CNTNAP2: variants seen among roughly 807,000 people sequenced by gnomAD.
The protein encoded by CNTNAP2 is contactin associated protein 2.
Under a neutral mutation model 155.2 loss-of-function variants are expected in CNTNAP2, and 98 were observed. The ratio of observed to expected loss-of-function variants is 0.63; its 90% CI spans 0.54 to 0.75. The LOEUF (loss-of-function observed/expected upper bound fraction) is 0.75. Ranked by LOEUF, CNTNAP2 falls within the 30% of genes least tolerant of loss-of-function variation. The probability of loss-of-function intolerance (pLI) is 0.00; values close to 1 mark genes in which losing one functional copy is unlikely to be tolerated. For missense variants in CNTNAP2, 1,727 were observed against 1,688.1 expected, an observed-to-expected ratio of 1.02 and a Z score of -0.40; for synonymous variants, 651 against 631.2, an observed-to-expected ratio of 1.03 and a Z score of -0.47.
chr7:147,836,674 C>T (rs76061523), intron 13 of CNTNAP2, among the ~76,000 whole-genome samples: 6,766 of 152,218 alleles, frequency 0.044, 271 homozygotes, highest in Admixed American at 0.12. Context: ...CACTCTCTGA[C>T]GGCAGGCACA....
chr7:147,041,377 T>A (rs973180403), intron 3 of CNTNAP2, among the ~76,000 whole-genome samples: 2 of 151,938 alleles, frequency 1.3e-5, no homozygotes, highest in African/African-American at 4.8e-5. Context: ...AGGAAAAGTA[T>A]TTTTTTTAAG....
At chr7:147,267,067 G>A (rs1005506147) in intron 8 of CNTNAP2, among the ~76,000 whole-genome samples, 5 of 152,100 alleles carry the variant, frequency 3.3e-5, no homozygotes, top group African/African-American at 1.2e-4. Flanking sequence ...ATGGCCTCTT[G>A]GCTTTCTTGC....
rs559924103 is a variant in CNTNAP2 at position 147,402,990 on chromosome 7, G to A, written c.1670+7210G>A. ...AAAAAAACTAGTTTAGGTCAGACAT[G>A]CCTCACAAACATCAACACAGAGACC... On this transcript the variant is annotated intron_variant, in intron 10 of 23. Coordinates refer to ENST00000361727, the MANE Select transcript of CNTNAP2 (RefSeq NM_014141.6). 2.4e-4 allele frequency among the ~76,000 whole-genome samples: 35 copies of A among 147,518 alleles called. No homozygotes were observed. In the South Asian group the frequency reaches 6.6e-3, roughly 28 times the overall value.
At chr7:146,672,186 G>A (rs6968964) in intron 1 of CNTNAP2, among the ~76,000 whole-genome samples, 123,078 of 152,128 alleles carry the variant, frequency 0.81, 50,389 homozygotes, top group South Asian at 0.91. Context: ...CTCTCATCCT[G>A]GTGAAACATA....
intron 18 of CNTNAP2, among the ~76,000 whole-genome samples, chr7:148,204,353 A>G (rs949119903): frequency 6.6e-6 from 1 of 152,244 alleles, no homozygotes; most frequent in African/African-American, 2.4e-5. Flanking sequence ...GAGGAAAACC[A>G]AAGTTATAAT....
chr7:147,551,636 G>A (rs184612859), intron 11 of CNTNAP2, among the ~76,000 whole-genome samples: 1 of 152,228 alleles, frequency 6.6e-6, no homozygotes, highest in African/African-American at 2.4e-5. Flanking sequence ...CACTGCCTGG[G>A]AAGTTCCTTA....
intron 1 of CNTNAP2, among the ~76,000 whole-genome samples, chr7:146,400,496 G>T (rs1348901689): frequency 1.3e-5 from 2 of 152,166 alleles, no homozygotes; most frequent in Non-Finnish European, 2.9e-5. Flanking sequence ...GAGAAGTAAG[G>T]CTGTCACATA....
chr7:146,882,545 G>A (rs1439818676), intron 3 of CNTNAP2, among the ~76,000 whole-genome samples: 1 of 152,052 alleles, frequency 6.6e-6, no homozygotes, highest in Non-Finnish European at 1.5e-5. Context: ...CTGCCACCAT[G>A]TGAAGGATGT....
At chr7:146,342,756 C>T (rs1276453692) in intron 1 of CNTNAP2, among the ~76,000 whole-genome samples, 4 of 152,160 alleles carry the variant, frequency 2.6e-5, no homozygotes, top group Non-Finnish European at 5.9e-5. Context: ...TCCCATTTAT[C>T]TGTCTGTCAA....
At chr7:147,077,597 T>C (rs1300344698) in intron 4 of CNTNAP2, among the ~76,000 whole-genome samples, 1 of 152,200 alleles carries the variant, frequency 6.6e-6, no homozygotes, top group Non-Finnish European at 1.5e-5. Context: ...ATAAATAATG[T>C]ATGCAGGTTC....
intron 4 of CNTNAP2, among the ~76,000 whole-genome samples, chr7:147,080,706 T>A (rs992557390): frequency 6.8e-6 from 1 of 147,772 alleles, no homozygotes; most frequent in African/African-American, 2.4e-5. Context: ...AAAATAAATA[T>A]ATATAAATAT....
intron 2 of CNTNAP2, among the ~76,000 whole-genome samples, chr7:146,795,080 CAGACATAATGTAAGTAT>C (rs1299303891): frequency 2.3e-4 from 35 of 152,148 alleles, no homozygotes; most frequent in Admixed American, 2.3e-3. Flanking sequence ...ACGCTAATCA[CAGACATAATGTAAGTAT>C]ATGAATATAA....
At position 146,217,661 on chromosome 7, in the gene CNTNAP2, A is replaced by T. The variant is rs565880563; in HGVS notation, c.97+100688A>T. Among the ~76,000 whole-genome samples, 3 of 152,332 alleles carry T rather than the reference A, an allele frequency of 2.0e-5. No individual in the cohort carries two copies. The East Asian group carries it at 5.8e-4, about 29-fold the overall frequency. On this transcript the variant is annotated intron_variant, in intron 1 of 23. Coordinates refer to ENST00000361727, the MANE Select transcript of CNTNAP2 (RefSeq NM_014141.6). ...GAAATAATATGTGCCCATGTGAAAGAAATATATAGACAAAATTAATCTAGG... is the reference window on the plus strand; with the variant it reads ...GAAATAATATGTGCCCATGTGAAAGTAATATATAGACAAAATTAATCTAGG...
At chr7:147,488,590 A>G (rs189708589) in intron 11 of CNTNAP2, among the ~76,000 whole-genome samples, 2 of 152,326 alleles carry the variant, frequency 1.3e-5, no homozygotes, top group African/African-American at 2.4e-5. Context: ...AAAGTTTAAT[A>G]TAATAGAACA....
chr7:146,794,089 G>A (rs1443423313), intron 2 of CNTNAP2, among the ~76,000 whole-genome samples: 1 of 152,170 alleles, frequency 6.6e-6, no homozygotes, highest in Non-Finnish European at 1.5e-5. Flanking sequence ...CCCTTTTGAT[G>A]CAATCAGATT....
At chr7:147,262,089 T>C (rs900478785) in intron 8 of CNTNAP2, among the ~76,000 whole-genome samples, 1 of 152,214 alleles carries the variant, frequency 6.6e-6, no homozygotes, top group African/African-American at 2.4e-5. Flanking sequence ...GATAATCTTT[T>C]GTTATAAAAT....
At chr7:146,836,173 A>G (rs118179417) in intron 2 of CNTNAP2, among the ~76,000 whole-genome samples, 2,158 of 152,338 alleles carry the variant, frequency 0.014, 27 homozygotes, top group Non-Finnish European at 0.023. Context: ...CACATACACT[A>G]GATACTTAAA....
chr7:148,102,327 G>C (rs1393601863), intron 15 of CNTNAP2, among the ~76,000 whole-genome samples: 1 of 152,186 alleles, frequency 6.6e-6, no homozygotes, highest in Non-Finnish European at 1.5e-5. Context: ...TGGCTGCATA[G>C]TATTCCATGG....
chr7:146,455,540 GGA>G (rs1174922687), intron 1 of CNTNAP2, among the ~76,000 whole-genome samples: 3 of 152,152 alleles, frequency 2.0e-5, no homozygotes, highest in Admixed American at 6.5e-5. Flanking sequence ...TAAGGACACA[GGA>G]GGCATCCCTG....
Sources: allele counts gnomAD v4.1 joint callset (sites outside exome capture counted in the v4.1 genomes callset), GRCh38; gene constraint gnomAD v4.1.1; transcripts MANE v1.5; gene names NCBI Gene and HGNC (gene_info 2026-07-23, HGNC 2026-07-21).